CCSER1: variants seen among roughly 807,000 people sequenced by gnomAD.
CCSER1 encodes coiled-coil serine rich protein 1, also known as serine-rich coiled-coil domain-containing protein 1.
Under a neutral mutation model 82.0 loss-of-function variants are expected in CCSER1, and 41 were observed. The observed-to-expected ratio is 0.50, with a 90% CI of 0.39 to 0.65. The LOEUF is 0.65. CCSER1 is among the 30% of genes least tolerant of loss of function. The probability of loss-of-function intolerance (pLI) is 0.00; values close to 1 mark genes in which losing one functional copy is unlikely to be tolerated. For missense variants in CCSER1, 1,119 were observed against 1,064.2 expected (o/e 1.05, Z -0.72); for synonymous variants, 414 against 383.9 (o/e 1.08, Z -0.92).
intron 7 of CCSER1, among the ~76,000 whole-genome samples, chr4:90,737,157 C>T (rs1336958670): frequency 6.6e-6 from 1 of 151,958 alleles, no homozygotes; most frequent in African/African-American, 2.4e-5. Context: ...ACCATAGTTA[C>T]GGTGTTATAA....
chr4:91,107,008 AT>A (rs141080199), intron 10 of CCSER1, among the ~76,000 whole-genome samples: 4 of 151,878 alleles, frequency 2.6e-5, no homozygotes, highest in South Asian at 2.1e-4. Flanking sequence ...ATACTGGTGT[AT>A]TTTTTTTATC....
rs1753588361 is a variant in CCSER1, at chr4:91,419,765, A to G, written c.2218-178807A>G. Among the ~76,000 whole-genome samples, 4 of 152,166 alleles carry G rather than the reference A, an allele frequency of 2.6e-5. No individual in the cohort carries two copies. The South Asian group carries it at 8.3e-4, about 32-fold the overall frequency. The stretch of plus-strand genomic sequence containing the variant: ...CCAAAGCAATCCTCAGAAAGAAGAA[A>G]AATCTGGAGACATCACATGTACTAA... On this transcript the variant is annotated intron_variant, in intron 10 of 10. Coordinates refer to ENST00000509176, the MANE Select transcript of CCSER1 (RefSeq NM_001145065.2).
chr4:90,506,765 CA>C (rs561754187), intron 5 of CCSER1, among the ~76,000 whole-genome samples: 1,820 of 114,048 alleles, frequency 0.016, 8 homozygotes, highest in African/African-American at 0.029. Flanking sequence ...ACTCCGTGTC[CA>C]AAAAAAAAAA....
chr4:90,251,196 CTTTAT>C (rs1722314583), intron 1 of CCSER1, among the ~76,000 whole-genome samples: 1 of 151,678 alleles, frequency 6.6e-6, no homozygotes, highest in African/African-American at 2.4e-5. Flanking sequence ...ATCTGGATTC[CTTTAT>C]TTTATTTAAG....
chr4:90,488,347 C>T (rs1767451760), intron 5 of CCSER1, among the ~76,000 whole-genome samples: 1 of 151,922 alleles, frequency 6.6e-6, no homozygotes, highest in African/African-American at 2.4e-5. Flanking sequence ...ACCACCACAC[C>T]CAGCTAATTT....
chr4:90,709,933 C>T (rs1221504880), intron 6 of CCSER1, among the ~76,000 whole-genome samples: 1 of 146,952 alleles, frequency 6.8e-6, no homozygotes, highest in Non-Finnish European at 1.5e-5. Context: ...TCTCTGCAAC[C>T]TTGCCAGCAT....
At chr4:91,366,462 AT>A (rs1434670045) in intron 10 of CCSER1, among the ~76,000 whole-genome samples, 4 of 152,220 alleles carry the variant, frequency 2.6e-5, no homozygotes, top group Non-Finnish European at 5.9e-5. Context: ...TCACACAAAA[AT>A]AGTCATAATT....
chr4:91,382,115 A>C (rs1232971760), intron 10 of CCSER1, among the ~76,000 whole-genome samples: 1 of 152,154 alleles, frequency 6.6e-6, no homozygotes, highest in Non-Finnish European at 1.5e-5. Context: ...GTTCCTCTGG[A>C]AGCTTTGTCT....
intron 10 of CCSER1, among the ~76,000 whole-genome samples, chr4:91,175,198 A>G (rs184624764): frequency 6.6e-6 from 1 of 152,282 alleles, no homozygotes; most frequent in East Asian, 1.9e-4. Flanking sequence ...TATATGTACC[A>G]TATTTTCTTA....
intron 7 of CCSER1, among the ~76,000 whole-genome samples, chr4:90,797,659 G>A (rs1251650740): frequency 6.6e-6 from 1 of 152,156 alleles, no homozygotes; most frequent in Admixed American, 6.5e-5. Flanking sequence ...CTCTTGTAAG[G>A]CAAGTCTGGT....
At chr4:90,592,039 T>TG (rs1326589744) in intron 5 of CCSER1, among the ~76,000 whole-genome samples, 1 of 151,856 alleles carries the variant, frequency 6.6e-6, no homozygotes, top group Admixed American at 6.6e-5. Flanking sequence ...TGTCGCAGGA[T>TG]GGGAGCAAGG....
At chr4:90,772,916 A>G (rs1407366861) in intron 7 of CCSER1, among the ~76,000 whole-genome samples, 2 of 152,214 alleles carry the variant, frequency 1.3e-5, no homozygotes, top group East Asian at 3.8e-4. Flanking sequence ...AATGAAATAT[A>G]TTCCAAAAAG....
At position 91,169,201 on chromosome 4, in the gene CCSER1, T is replaced by TAAAA. The variant is rs57715555; in HGVS notation, c.2217+83223_2217+83226dup. 8.9e-4 allele frequency among the ~76,000 whole-genome samples: 110 copies of TAAAA among 122,990 alleles called. 2 individuals are homozygous for TAAAA. The highest frequency in any genetic ancestry group is 1.2e-3 in the Non-Finnish European group (70 of 59,668). 80.7% of individuals were successfully genotyped at this position (122,990 alleles called of 152,430 possible). The stretch of plus-strand genomic sequence containing the variant: ...ACACCCAAGAATGATCAATAAATAC[T>TAAAA]AAAAAAAAAAAAAAAAAAAGATTGG... On this transcript the variant is annotated intron_variant, in intron 10 of 10. Coordinates refer to ENST00000509176, the MANE Select transcript of CCSER1 (RefSeq NM_001145065.2).
intron 10 of CCSER1, among the ~76,000 whole-genome samples, chr4:91,498,434 T>C (rs891593568): frequency 2.1e-5 from 3 of 145,874 alleles, no homozygotes; most frequent in Non-Finnish European, 4.6e-5. Context: ...CCTGAGTTTA[T>C]CCATCGTCTT....
chr4:90,668,869 G>A (rs951942875), intron 6 of CCSER1, among the ~76,000 whole-genome samples: 3 of 151,958 alleles, frequency 2.0e-5, no homozygotes, highest in Non-Finnish European at 4.4e-5. Flanking sequence ...AATTATTTTA[G>A]GAAATGTAAA....
chr4:90,973,435 G>A (rs1436243797), intron 9 of CCSER1, among the ~76,000 whole-genome samples: 1 of 151,592 alleles, frequency 6.6e-6, no homozygotes, highest in Non-Finnish European at 1.5e-5. Flanking sequence ...TAATCACCAG[G>A]AAAATACAAT....
In CCSER1 at chr4:90,932,972, A is replaced by AAGAG. The variant is rs1233938806; in HGVS notation, c.2172+9528_2172+9529insGAGA. Among the ~76,000 whole-genome samples, 12 of 40,102 alleles carry AAGAG rather than the reference A, an allele frequency of 3.0e-4. 2 individuals carry two copies. The East Asian group carries it at 4.7e-3, about 16-fold the overall frequency. 26.3% of individuals were successfully genotyped at this position (40,102 alleles called of 152,430 possible). A position where few individuals can be genotyped will look rare whatever the true frequency, so the allele number is the denominator to read the frequency against. ...AAAGAAAGAAAGAAAGAAAGAAAGA[A>AAGAG]AGAAAGAAAGAGAAAGAAAGAAAGA... is the stretch of plus-strand genomic sequence containing the variant. On this transcript the variant is annotated intron_variant, in intron 9 of 10. Coordinates refer to ENST00000509176, the MANE Select transcript of CCSER1 (RefSeq NM_001145065.2).
chr4:90,206,236 C>T (rs1351838150), intron 1 of CCSER1, among the ~76,000 whole-genome samples: 1 of 152,032 alleles, frequency 6.6e-6, no homozygotes, highest in Non-Finnish European at 1.5e-5. Flanking sequence ...TTATCTTCTG[C>T]TAGCTTTTGA....
chr4:91,561,066 A>C (rs535467846), intron 10 of CCSER1, among the ~76,000 whole-genome samples: 1 of 151,500 alleles, frequency 6.6e-6, no homozygotes, highest in South Asian at 2.1e-4. Flanking sequence ...ATTCCAAGTC[A>C]TCTCTCTCCT....
Sources: gnomAD v4.1 joint callset for allele counts (sites outside exome capture counted in the v4.1 genomes callset) on GRCh38, gnomAD v4.1.1 for gene constraint, MANE v1.5 for transcripts, NCBI Gene and HGNC (gene_info 2026-07-23, HGNC 2026-07-21) for gene names.